The following RAB11FIP2 variants were observed in gnomAD, a reference collection of about 807,000 sequenced individuals.
RAB11FIP2 encodes RAB11 family interacting protein 2.
In RAB11FIP2, 16 loss-of-function variants were observed where a neutral mutation model predicts 40.9. The ratio of observed to expected loss-of-function variants is 0.39; its 90% CI spans 0.26 to 0.59. The LOEUF (loss-of-function observed/expected upper bound fraction) is 0.59, where lower values mean the gene tolerates loss of function less well. RAB11FIP2 is among the 20% of genes least tolerant of loss of function. The probability of loss-of-function intolerance (pLI) is 0.53; values close to 1 mark genes in which losing one functional copy is unlikely to be tolerated. For missense variants in RAB11FIP2, 532 were observed against 606.2 expected, an observed-to-expected ratio of 0.88 and a Z score of 1.28; for synonymous variants, 228 against 213.7, an observed-to-expected ratio of 1.07 and a Z score of -0.58.
intron 3 of RAB11FIP2, among the ~76,000 whole-genome samples, chr10:118,019,500 A>G (rs1040519759): frequency 7.9e-5 from 12 of 152,092 alleles, no homozygotes; most frequent in African/African-American, 1.7e-4. Context: ...AGTGTGTCCT[A>G]TTGATCTTAA....
At chr10:118,045,201 T>G (rs903017052) in intron 1 of RAB11FIP2, 9 of 152,370 alleles carry the variant, frequency 5.9e-5, no homozygotes, top group African/African-American at 1.7e-4. Context: ...AATTGCAAAT[T>G]CAAAGGAAAA....
intron 4 of RAB11FIP2, 27 bp from the exon 5 acceptor site, chr10:118,009,252 T>C: frequency 1.3e-6 from 2 of 1,556,594 alleles, no homozygotes; most frequent in Non-Finnish European, 1.8e-6. Flanking sequence ...ACTGTCACTT[T>C]CATAGATATA....
In RAB11FIP2 at chr10:118,016,104, C is replaced by CCTACGCT. The variant is rs1459086939; in HGVS notation, c.1266-1001_1266-995dup. 2.0e-5 allele frequency among the ~76,000 whole-genome samples: 3 copies of CCTACGCT among 152,174 alleles called. No individual in the cohort carries two copies. The East Asian group carries it at 5.8e-4, about 29-fold the overall frequency. ...AGTATCTGTAATTACGTGTACAAAT[C>CCTACGCT]CTACGCTCTAAGATGTACAGGGCAC... On this transcript the variant is annotated intron_variant, in intron 3 of 4. Transcript: ENST00000355624.
In RAB11FIP2 at chr10:118,044,171, C is replaced by G. The variant is rs147352017; in HGVS notation, c.353+1640G>C. Among the ~76,000 whole-genome samples, 802 of 152,174 alleles carry G rather than the reference C, an allele frequency of 5.3e-3. 7 individuals carry two copies. The highest frequency in any genetic ancestry group is 0.019 in the African/African-American group (773 of 41,528). ...ATGTTGCCCAGGACTAGGAGTAAAA[C>G]AAGAAGAAATTGTAAAAGGTTATTT... On this transcript the variant is annotated intron_variant, in intron 1 of 4. Coordinates refer to ENST00000355624, the MANE Select transcript of RAB11FIP2 (RefSeq NM_014904.3).
At position 118,040,567 on chromosome 10, in the gene RAB11FIP2, T is replaced by C. The variant is rs1243336413; in HGVS notation, c.354-2A>G. The C allele has an allele frequency of 6.4e-7, 1 of 1,574,156 alleles. No homozygotes were observed. The highest frequency in any genetic ancestry group is 1.4e-5 in the African/African-American group (1 of 72,908). On this transcript the variant is annotated splice_acceptor_variant, in intron 1 of 4. Transcript: ENST00000355624. LOFTEE classifies it high-confidence loss of function. ...TGTTTGGATTCTAATCTAAACCACC[T>C]TAAAGAGAAGAAAAAAAAATTGGCT...
chr10:118,043,416 A>G (rs553181977), intron 1 of RAB11FIP2: 58 of 152,268 alleles, frequency 3.8e-4, no homozygotes, highest in African/African-American at 1.4e-3. Context: ...TAAACATTGT[A>G]TTATTTCTTT....
At chr10:118,011,267 T>G (rs1353855894) in intron 4 of RAB11FIP2, among the ~76,000 whole-genome samples, 1 of 152,092 alleles carries the variant, frequency 6.6e-6, no homozygotes. Flanking sequence ...CATATTTCCT[T>G]CATCCTTAAA....
chr10:118,014,143 G>C (rs1289700964), intron 4 of RAB11FIP2, among the ~76,000 whole-genome samples: 1 of 152,046 alleles, frequency 6.6e-6, no homozygotes, highest in Non-Finnish European at 1.5e-5. Flanking sequence ...ACTGCATTTA[G>C]AATGGTTTAG....
At chr10:118,029,929 A>G (rs2133174979) in intron 3 of RAB11FIP2, among the ~76,000 whole-genome samples, 1 of 152,260 alleles carries the variant, frequency 6.6e-6, no homozygotes, top group East Asian at 1.9e-4. Flanking sequence ...GCATGACTGG[A>G]GGAACCTGGG....
intron 4 of RAB11FIP2, among the ~76,000 whole-genome samples, chr10:118,013,126 A>T (rs1009541425): frequency 7.9e-5 from 12 of 152,118 alleles, no homozygotes; most frequent in African/African-American, 2.9e-4. Flanking sequence ...CAAATTATCA[A>T]GACTCAAAAT....
chr10:118,039,901 C>G (rs1846532993), intron 2 of RAB11FIP2: 1 of 471,918 alleles, frequency 2.1e-6, no homozygotes, highest in African/African-American at 2.0e-5. Flanking sequence ...AACTGGCACT[C>G]ATTTTATTAT....
intron 3 of RAB11FIP2, among the ~76,000 whole-genome samples, chr10:118,016,224 C>A (rs893950286): frequency 1.3e-5 from 2 of 152,172 alleles, no homozygotes; most frequent in African/African-American, 2.4e-5. Context: ...AGTGATTGTT[C>A]GCCTTTTCTA....
Position 118,005,912 on chromosome 10 carries a change from C to A in RAB11FIP2, c.*3086G>T, listed in dbSNP as rs536911943. 6.6e-6 allele frequency: 1 copy of A among 152,558 alleles called. No individual in the cohort carries two copies. The highest frequency in any genetic ancestry group is 2.1e-4 in the South Asian group (1 of 4,816). The allele number at this position is 152,558 out of a possible 1,614,324, so 9.5% of individuals were successfully genotyped here. On this transcript the variant is annotated 3_prime_UTR_variant, in exon 5 of 5. Transcript: ENST00000355624. ...TTTACTTAGGTTTCCATTCATGAAA[C>A]CCTTTTAAATACAAGGCAACATTTT...
chr10:118,033,922 C>T, intron 3 of RAB11FIP2: 1 of 700,606 alleles, frequency 1.4e-6, no homozygotes, highest in Admixed American at 2.0e-5. Context: ...GGCCACTTGG[C>T]TATTCCTCGT....
At chr10:118,009,345 CTTAAAGTGAATGTGACA>C in intron 4 of RAB11FIP2, 120 bp from the exon 5 acceptor site, 5 of 926,200 alleles carry the variant, frequency 5.4e-6, no homozygotes, top group Non-Finnish European at 6.4e-6. Flanking sequence ...GCTAGCCTTG[CTTAAAGTGAATGTGACA>C]GTTCACAAAT....
chr10:118,023,490 T>G (rs1356854752), intron 3 of RAB11FIP2, among the ~76,000 whole-genome samples: 1 of 152,140 alleles, frequency 6.6e-6, no homozygotes, highest in African/African-American at 2.4e-5. Flanking sequence ...GGACTGGGCA[T>G]GTACACCAAA....
At chr10:118,009,271 G>A (rs1846130040) in intron 4 of RAB11FIP2, 46 bp from the exon 5 acceptor site, 1 of 1,498,592 alleles carries the variant, frequency 6.7e-7, no homozygotes, top group Non-Finnish European at 9.1e-7. Context: ...TAACATCTGG[G>A]ACAAACATTA....
intron 3 of RAB11FIP2, among the ~76,000 whole-genome samples, chr10:118,015,555 A>C: frequency 6.6e-6 from 1 of 152,194 alleles, no homozygotes; most frequent in Admixed American, 6.5e-5. Context: ...AAAATGCCAT[A>C]AGTGTTAGAA....
chr10:118,015,156 G>C, intron 3 of RAB11FIP2, 46 bp from the exon 4 acceptor site: 1 of 1,514,952 alleles, frequency 6.6e-7, no homozygotes, highest in South Asian at 1.2e-5. Context: ...ACTCATGTGG[G>C]AGGAAACATA....
Sources: gnomAD v4.1 joint callset for allele counts (sites outside exome capture counted in the v4.1 genomes callset) on GRCh38, gnomAD v4.1.1 for gene constraint, MANE v1.5 for transcripts, NCBI Gene and HGNC (gene_info 2026-07-23, HGNC 2026-07-21) for gene names.